TCF20: variants seen among roughly 807,000 people sequenced by gnomAD.
The protein encoded by TCF20 is transcription factor 20.
In TCF20, 3 loss-of-function variants were observed where a neutral mutation model predicts 148.6. That is an observed-to-expected ratio of 0.02 (90% CI 0.01 to 0.05). The LOEUF (loss-of-function observed/expected upper bound fraction) is 0.05, where lower values mean the gene tolerates loss of function less well. Ranked by LOEUF, TCF20 falls within the 10% of genes least tolerant of loss-of-function variation. The pLI, the probability that TCF20 is intolerant of heterozygous loss-of-function variation, is 1.00. For synonymous variants in TCF20, 1,049 were observed against 909.5 expected, an observed-to-expected ratio of 1.15 and a Z score of -2.76; for missense variants, 2,350 against 2,429.3, an observed-to-expected ratio of 0.97 and a Z score of 0.69.
intron 1 of TCF20, among the ~76,000 whole-genome samples, chr22:42,342,289 G>A (rs1159253946): frequency 3.9e-5 from 6 of 152,196 alleles, no homozygotes; most frequent in Non-Finnish European, 5.9e-5. Flanking sequence ...GGGGAGAAAC[G>A]ACGGGAGGGC....
At chr22:42,270,915 G>A (rs1926592146), upstream of TCF20, among the ~76,000 whole-genome samples, 1 of 151,818 alleles carries the variant, frequency 6.6e-6, no homozygotes, top group Non-Finnish European at 1.5e-5. Flanking sequence ...CCCGCCCAGT[G>A]CCATCTTGGC....
At chr22:42,215,844 T>C (rs1451037547) in intron 1 of TCF20, among the ~76,000 whole-genome samples, 1 of 151,808 alleles carries the variant, frequency 6.6e-6, no homozygotes, top group East Asian at 1.9e-4. Flanking sequence ...GCCTAAAGAG[T>C]GAGGCAAGAA....
chr22:42,338,135 G>C lies in TCF20; in HGVS notation c.-37+5344C>G, dbSNP rs976131302. Among the ~76,000 whole-genome samples, 2 of 152,190 alleles carry C rather than the reference G, an allele frequency of 1.3e-5. No homozygotes were observed. Among genetic ancestry groups the C allele is most frequent in the African/African-American group, 4.8e-5 (2 of 41,458 alleles). ...AGGTCCTACTCTGTACACAACTCCCGCCTCGGTCTCCACGCGTCCCCTGAG... is the reference window on the plus strand; with the variant it reads ...AGGTCCTACTCTGTACACAACTCCCCCCTCGGTCTCCACGCGTCCCCTGAG... On this transcript the variant is annotated intron_variant, in intron 1 of 1. Coordinates refer to the TCF20 transcript ENST00000515426. The surrounding 1 kb of genome is among the most constrained non-coding windows in gnomAD (Gnocchi z 4.0).
rs866000286 is a variant in TCF20, at chr22:42,214,317, T to C, written c.989A>G (p.Gln330Arg). Residue 330 changes from glutamine to arginine, a missense_variant, in exon 2 of 6, where the codon CAG becomes CGG. Gln to Arg is a conservative substitution (Grantham distance 43). Transcript: ENST00000677622. ...QQQHPSQHVM[Q>R]YTNAATKLPL... is the part of the protein sequence containing the mutation. ...CAGCTTGGTGGCAGCGTTAGTATAC[T>C]GCATCACATGCTGAGAAGGGTGTTG... The C allele has an allele frequency of 1.9e-6, 3 of 1,614,248 alleles. No individual in the cohort carries two copies. Among genetic ancestry groups the C allele is most frequent in the Non-Finnish European group, 2.5e-6 (3 of 1,180,046 alleles).
At chr22:42,320,922 C>G (rs997665930) in intron 1 of TCF20, among the ~76,000 whole-genome samples, 9 of 152,222 alleles carry the variant, frequency 5.9e-5, no homozygotes, top group Non-Finnish European at 1.3e-4. Flanking sequence ...GGCACACTCA[C>G]AGCTGTGTTT....
At chr22:42,166,554 A>C (rs1372303464) in intron 5 of TCF20, among the ~76,000 whole-genome samples, 1 of 150,784 alleles carries the variant, frequency 6.6e-6, no homozygotes, top group Non-Finnish European at 1.5e-5. Context: ...GGTTGCAGTG[A>C]GCCGAGATCG....
In TCF20 at chr22:42,242,202, CAAAAAAA is replaced by C. The variant is rs151190006; in HGVS notation, c.-36-26868_-36-26862del. 3.2e-3 allele frequency among the ~76,000 whole-genome samples: 189 copies of C among 59,814 alleles called. 4 individuals carry two copies. Among genetic ancestry groups the C allele is most frequent in the African/African-American group, 0.016 (182 of 11,040 alleles). The allele number at this position is 59,814 out of a possible 152,430, so 39.2% of individuals were successfully genotyped here. A position where few individuals can be genotyped will look rare whatever the true frequency, so the allele number is the denominator to read the frequency against. ...TGGGCGACAGAGCGAGACTTCGCCT[CAAAAAAA>C]AAAAAAAAAAAAAAAAAACAGAAAA... On this transcript the variant is annotated intron_variant, in intron 1 of 5. Transcript: ENST00000677622.
chr22:42,335,015 C>T (rs558092051), intron 1 of TCF20, among the ~76,000 whole-genome samples: 1 of 152,252 alleles, frequency 6.6e-6, no homozygotes, highest in South Asian at 2.1e-4. Context: ...GAGCTGTACA[C>T]CCTCTGGGCC....
chr22:42,327,768 C>T (rs1007713041), intron 1 of TCF20, among the ~76,000 whole-genome samples: 1 of 151,210 alleles, frequency 6.6e-6, no homozygotes, highest in Admixed American at 6.6e-5. Context: ...TCCAAAAGTC[C>T]ATGTCTGACA....
At chr22:42,343,356 G>A (rs1928201646) in intron 1 of TCF20, 1 of 152,106 alleles carries the variant, frequency 6.6e-6, no homozygotes. Flanking sequence ...CTCGCCACCT[G>A]TCTGGCCTCC....
Position 42,199,706 on chromosome 22 carries a change from CAAAAAAAAA to C in TCF20, c.5655+9936_5655+9944del, listed in dbSNP as rs59845847. On this transcript the variant is annotated intron_variant, in intron 2 of 5. Transcript: ENST00000677622. ...CTAACATGGCAAAACCCCATCTCTA[CAAAAAAAAA>C]AAAAAAAAAAAAAAAAAAAAAATTA... Among the ~76,000 whole-genome samples, 22 of 33,868 alleles carry C rather than the reference CAAAAAAAAA, an allele frequency of 6.5e-4. No homozygotes were observed. The South Asian group carries it at 0.014, about 21-fold the overall frequency. 22.2% of individuals were successfully genotyped at this position (33,868 alleles called of 152,430 possible).
intron 1 of TCF20, among the ~76,000 whole-genome samples, chr22:42,219,355 CAAAAAAAAAAAAAAAA>C (rs528664836): frequency 6.9e-5 from 3 of 43,596 alleles, no homozygotes; most frequent in South Asian, 1.0e-3. Flanking sequence ...AACCCTGTCT[CAAAAAAAAAAAAAAAA>C]AAAAAAAAAA....
intron 2 of TCF20, among the ~76,000 whole-genome samples, chr22:42,182,274 C>A (rs1373988235): frequency 6.6e-6 from 1 of 152,214 alleles, no homozygotes; most frequent in South Asian, 2.1e-4. Context: ...AACCTACAGA[C>A]GTGGGACTAA....
At chr22:42,208,363 A>T (rs973323484) in intron 2 of TCF20, among the ~76,000 whole-genome samples, 1 of 152,214 alleles carries the variant, frequency 6.6e-6, no homozygotes, top group African/African-American at 2.4e-5. Flanking sequence ...CTTGTGGCAC[A>T]TGCCTATAAT....
chr22:42,229,739 A>G (rs932458464), intron 1 of TCF20, among the ~76,000 whole-genome samples: 1 of 152,188 alleles, frequency 6.6e-6, no homozygotes, highest in South Asian at 2.1e-4. Flanking sequence ...GTCATTCCTC[A>G]AGGCCATTTG....
At chr22:42,274,356 T>C (rs1305744613), upstream of TCF20, 1 of 152,360 alleles carries the variant, frequency 6.6e-6, no homozygotes, top group Non-Finnish European at 1.5e-5. Flanking sequence ...TGTGCCCTCA[T>C]TCCACAGGAG....
At chr22:42,320,584 A>C (rs1175054317) in intron 1 of TCF20, among the ~76,000 whole-genome samples, 2 of 152,210 alleles carry the variant, frequency 1.3e-5, no homozygotes, top group Non-Finnish European at 2.9e-5. Flanking sequence ...CTTCATCTCC[A>C]GGAGAATAGA....
At chr22:42,264,969 T>TAG (rs1240650065) in intron 1 of TCF20, among the ~76,000 whole-genome samples, 4 of 152,254 alleles carry the variant, frequency 2.6e-5, no homozygotes, top group Non-Finnish European at 4.4e-5. Context: ...CTCTTTCCTA[T>TAG]AGAACAGCTT....
chr22:42,224,105 G>C (rs1046839849), intron 1 of TCF20, among the ~76,000 whole-genome samples: 7 of 152,098 alleles, frequency 4.6e-5, no homozygotes, highest in Non-Finnish European at 7.4e-5. Context: ...AGCCATGTAA[G>C]CCATAAAAAA....
Sources: allele counts gnomAD v4.1 joint callset (sites outside exome capture counted in the v4.1 genomes callset), GRCh38; gene constraint gnomAD v4.1.1; non-coding constraint Gnocchi (gnomAD v3.1); transcripts MANE v1.5; gene names NCBI Gene and HGNC (gene_info 2026-07-23, HGNC 2026-07-21).